Variants in HNF1B observed in about 807,000 individuals in gnomAD.
HNF1B encodes HNF1 homeobox B.
Under a neutral mutation model 61.7 loss-of-function variants are expected in HNF1B, and 8 were observed. The observed-to-expected ratio is 0.13, with a 90% CI of 0.08 to 0.23. The LOEUF (loss-of-function observed/expected upper bound fraction) is 0.23, where lower values mean the gene tolerates loss of function less well. HNF1B is among the 10% of genes least tolerant of loss of function. The pLI, the probability that HNF1B is intolerant of heterozygous loss-of-function variation, is 1.00. For synonymous variants in HNF1B, 314 were observed against 287.7 expected (o/e 1.09, Z -0.93); for missense variants, 562 against 714.5 (o/e 0.79, Z 2.43).
chr17:37,724,661 G>A (rs1167908105), intron 4 of HNF1B, among the ~76,000 whole-genome samples: 1 of 152,194 alleles, frequency 6.6e-6, no homozygotes, highest in African/African-American at 2.4e-5. Flanking sequence ...AGACAGTGAT[G>A]TTCATTCACT....
intron 2 of HNF1B, among the ~76,000 whole-genome samples, chr17:37,736,666 T>G (rs376644573): frequency 6.6e-6 from 1 of 152,346 alleles, no homozygotes; most frequent in East Asian, 1.9e-4. Context: ...CCTGAAGCTT[T>G]GTGTCTGGTG....
intron 1 of HNF1B, among the ~76,000 whole-genome samples, chr17:37,742,746 C>T (rs1178365381): frequency 1.3e-5 from 2 of 151,658 alleles, no homozygotes; most frequent in Admixed American, 6.6e-5. Flanking sequence ...CCTGGCTCTC[C>T]GCCGGCCGGG....
chr17:37,711,143 G>C (rs1288547457), intron 4 of HNF1B, among the ~76,000 whole-genome samples: 1 of 152,224 alleles, frequency 6.6e-6, no homozygotes, highest in Non-Finnish European at 1.5e-5. Context: ...ATGTGACGAA[G>C]AAGAAGCCCT....
intron 4 of HNF1B, chr17:37,730,352 C>G (rs2033645525): frequency 6.6e-6 from 1 of 152,398 alleles, no homozygotes; most frequent in African/African-American, 2.4e-5. Flanking sequence ...TGCCTAGGGG[C>G]TTCTCTGCCT....
In HNF1B at chr17:37,686,676, AAGTGTCCAGGCC is replaced by A. The variant is rs2031980105; in HGVS notation, c.*684_*695del. The A allele has an allele frequency of 6.1e-6, 1 of 164,950 alleles. No individual in the cohort carries two copies. The highest frequency in any genetic ancestry group is 1.4e-4 in the South Asian group (1 of 6,906). The allele number at this position is 164,950 out of a possible 1,614,324, so 10.2% of individuals were successfully genotyped here. A position where few individuals can be genotyped will look rare whatever the true frequency, so the allele number is the denominator to read the frequency against. On this transcript the variant is annotated 3_prime_UTR_variant, in exon 9 of 9. Transcript: ENST00000617811. ...TCAGTCCAAGGTATGCTGTCCCCAT[AAGTGTCCAGGCC>A]CGCGGGAGAGGACAAGGGGCTTCAC...
intron 4 of HNF1B, among the ~76,000 whole-genome samples, chr17:37,723,263 C>T (rs1201010659): frequency 6.6e-6 from 1 of 151,734 alleles, no homozygotes; most frequent in Non-Finnish European, 1.5e-5. Context: ...CGGAGAATGG[C>T]GTGAACCCGG....
chr17:37,716,954 G>T (rs2033143951), intron 4 of HNF1B, among the ~76,000 whole-genome samples: 1 of 151,590 alleles, frequency 6.6e-6, no homozygotes, highest in South Asian at 2.1e-4. Context: ...CTGTGAAAGG[G>T]GCACACAGAT....
intron 8 of HNF1B, among the ~76,000 whole-genome samples, chr17:37,696,471 C>T (rs2032388759): frequency 6.6e-6 from 1 of 152,024 alleles, no homozygotes; most frequent in African/African-American, 2.4e-5. Context: ...AATAAGAGCC[C>T]AGGGCAGGGC....
At chr17:37,737,350 G>A (rs2033862328) in intron 2 of HNF1B, among the ~76,000 whole-genome samples, 2 of 152,170 alleles carry the variant, frequency 1.3e-5, no homozygotes, top group African/African-American at 4.8e-5. Context: ...ACAGCTCTTA[G>A]AAAGTGAATG....
intron 6 of HNF1B, 47 bp from the exon 7 acceptor site, chr17:37,701,224 A>AT: frequency 6.6e-7 from 1 of 1,524,610 alleles, no homozygotes; most frequent in Non-Finnish European, 8.9e-7. Flanking sequence ...TGGGATAAGG[A>AT]GAGGTGGATG....
In HNF1B at chr17:37,744,794, C is replaced by T. The variant is rs1480946255; in HGVS notation, c.91G>A (p.Glu31Lys). 2 of 1,613,632 alleles carry T rather than the reference C, an allele frequency of 1.2e-6. No homozygotes were observed. The highest frequency in any genetic ancestry group is 1.1e-5 in the South Asian group (1 of 91,082). ...VTKEVLVQAL[E>K]ELLPSPNFGV... ...AAGTTCGGGGATGGCAGCAACTCCT[C>T]CAAGGCCTGAACCAGCACCTCCTTG... Residue 31 changes from glutamate (E) to lysine (K), a missense_variant, in exon 1 of 9, where the codon GAG (glutamate) becomes AAG (lysine). Around this residue, in one of 6 missense-constraint regions of HNF1B, gnomAD observed 148 missense variants for 147.3 expected, o/e 1.00. Transcript: ENST00000617811.
chr17:37,742,922 C>G (rs185163142), intron 1 of HNF1B, among the ~76,000 whole-genome samples: 2 of 151,964 alleles, frequency 1.3e-5, no homozygotes, highest in Non-Finnish European at 2.9e-5. Flanking sequence ...TCCTTCCCCC[C>G]TCTAAGCCGC....
chr17:37,718,906 G>A (rs908514373), intron 4 of HNF1B, among the ~76,000 whole-genome samples: 1 of 152,124 alleles, frequency 6.6e-6, no homozygotes, highest in Non-Finnish European at 1.5e-5. Flanking sequence ...TGAAGTGACT[G>A]GAGTATGTCC....
intron 1 of HNF1B, among the ~76,000 whole-genome samples, chr17:37,741,982 G>A (rs969358253): frequency 1.2e-4 from 19 of 152,334 alleles, no homozygotes; most frequent in African/African-American, 4.3e-4. Context: ...AGAGCCGGGA[G>A]AGCTGGTTAT....
chr17:37,737,774 G>C (rs988626461), intron 2 of HNF1B, among the ~76,000 whole-genome samples: 1 of 152,080 alleles, frequency 6.6e-6, no homozygotes, highest in Non-Finnish European at 1.5e-5. Context: ...GGCGGAGCTT[G>C]CAGTGAGCCA....
At position 37,744,285 on chromosome 17, in the gene HNF1B, C is replaced by G. The variant is rs111950175; in HGVS notation, c.344+256G>C. Among the ~76,000 whole-genome samples the G allele has an allele frequency of 0.06, 9,214 of 152,336 alleles. 412 individuals are homozygous for G. The highest frequency in any genetic ancestry group is 0.21 in the Middle Eastern group (61 of 294). ...AGCTCCAGTTCTCCCCGGCCCAGCC[C>G]CAGCCCCGCGGGGAAAAGCCCTTGG... is the stretch of plus-strand genomic sequence containing the variant. On this transcript the variant is annotated intron_variant, in intron 1 of 8. Transcript: ENST00000617811.
chr17:37,718,601 T>C (rs116617450), intron 4 of HNF1B, among the ~76,000 whole-genome samples: 1 of 152,212 alleles, frequency 6.6e-6, no homozygotes, highest in African/African-American at 2.4e-5. Flanking sequence ...TCCCTCTTCC[T>C]CCTAAGCCCC....
At chr17:37,741,090 G>GA (rs1031660368) in intron 1 of HNF1B, among the ~76,000 whole-genome samples, 2 of 151,092 alleles carry the variant, frequency 1.3e-5, no homozygotes, top group African/African-American at 2.4e-5. Context: ...GATAGAACAA[G>GA]AAAAAAAACG....
chr17:37,706,178 T>C (rs1440953074), intron 5 of HNF1B, among the ~76,000 whole-genome samples: 2 of 152,132 alleles, frequency 1.3e-5, no homozygotes, highest in Non-Finnish European at 2.9e-5. Context: ...AGGCTGGTCT[T>C]GAACTCCTGA....
Sources: allele counts gnomAD v4.1 joint callset (sites outside exome capture counted in the v4.1 genomes callset), GRCh38; gene constraint gnomAD v4.1.1; regional missense constraint gnomAD v4.1.1; transcripts MANE v1.5; gene names NCBI Gene and HGNC (gene_info 2026-07-23, HGNC 2026-07-21).